The following CAPN9 variants were observed in gnomAD, a reference collection of about 807,000 sequenced individuals.
CAPN9 encodes the protein calpain 9, also known as calpain-9.
Under a neutral mutation model 92.8 loss-of-function variants are expected in CAPN9, and 81 were observed. That is an observed-to-expected ratio of 0.87 (90% CI 0.73 to 1.05). CAPN9 has a LOEUF of 1.05. Among genes scored for constraint, CAPN9 ranks in the 50% least tolerant of loss-of-function variants. The pLI is 0.00. For missense variants in CAPN9, 848 were observed against 866.2 expected (o/e 0.98, Z 0.26); for synonymous variants, 304 against 328.0 (o/e 0.93, Z 0.79).
intron 1 of CAPN9, chr1:230,752,568 C>T: frequency 8.3e-6 from 4 of 484,006 alleles, no homozygotes; most frequent in Non-Finnish European, 1.1e-5. Context: ...GTACGGTTGG[C>T]GGGGCCAGGC....
chr1:230,794,659 G>T (rs1241659578), intron 17 of CAPN9, among the ~76,000 whole-genome samples: 1 of 152,188 alleles, frequency 6.6e-6, no homozygotes, highest in African/African-American at 2.4e-5. Flanking sequence ...CATCGTGGAT[G>T]TGTAGGAATG....
At position 230,791,725 on chromosome 1, in the gene CAPN9, C is replaced by T. The variant is rs535824569; in HGVS notation, c.1658-139C>T. 62 of 590,916 alleles carry T rather than the reference C, an allele frequency of 1.0e-4. 2 individuals are homozygous for T. The South Asian group carries it at 1.5e-3, about 15-fold the overall frequency. 36.6% of individuals were successfully genotyped at this position (590,916 alleles called of 1,614,324 possible). On this transcript the variant is annotated intron_variant, in intron 14 of 19. Transcript: ENST00000271971. ...TGAAAGGTCATGTTAACTTCTACTCCTACCAGCATCATAAGAGAGTAGCCA... is the reference window on the plus strand; with the variant it reads ...TGAAAGGTCATGTTAACTTCTACTCTTACCAGCATCATAAGAGAGTAGCCA...
At chr1:230,769,317 AT>A in intron 6 of CAPN9, 54 bp downstream of exon 6, 1 of 1,264,494 alleles carries the variant, frequency 7.9e-7, no homozygotes. Context: ...GACAATGCTA[AT>A]CCCTTAGGCA....
At position 230,759,509 on chromosome 1, in the gene CAPN9, C is replaced by T; in HGVS notation, c.284-3C>T. On this transcript the variant is annotated splice_region_variant and splice_polypyrimidine_tract_variant and intron_variant, in intron 2 of 19. Transcript: ENST00000271971. ...ATTGTGATTTATGGCTTCCATTTTG[C>T]AGGAGACTGCTGGCTATTAGCCGCC... 1.9e-6 allele frequency: 3 copies of T among 1,591,268 alleles called. No homozygotes were observed. The highest frequency in any genetic ancestry group is 2.6e-6 in the Non-Finnish European group (3 of 1,169,440).
intron 14 of CAPN9, among the ~76,000 whole-genome samples, chr1:230,791,254 T>G (rs1667960647): frequency 6.6e-6 from 1 of 152,228 alleles, no homozygotes; most frequent in Non-Finnish European, 1.5e-5. Flanking sequence ...ATGAGGATGG[T>G]TCCATCACAA....
intron 1 of CAPN9, among the ~76,000 whole-genome samples, chr1:230,751,678 AGAAAGAAG>A (rs1664847737): frequency 1.4e-5 from 2 of 142,368 alleles, no homozygotes; most frequent in Non-Finnish European, 3.1e-5. Flanking sequence ...AAAGAAAGAA[AGAAAGAAG>A]GGTGGCTTTT....
In CAPN9 at chr1:230,790,135, A is replaced by G; in HGVS notation, c.1603A>G (p.Met535Val). 3 of 1,612,650 alleles carry G rather than the reference A, an allele frequency of 1.9e-6. No individual in the cohort carries two copies. The highest frequency in any genetic ancestry group is 1.3e-5 in the African/African-American group (1 of 75,008). The change falls in exon 14 of 20, where the codon ATG (methionine) becomes GTG (valine). Residue 535 changes from methionine to valine, a missense_variant. Transcript: ENST00000271971. ...ACAATTGTCTCCACTTCAACAGGAC[A>G]TGGAGGTGACAGCAGAGGAACTTGA... ...ALFEQVAGEDMEVTAEELEYV... is the reference protein window; with the variant it reads ...ALFEQVAGEDVEVTAEELEYV...
At chr1:230,751,105 C>T (rs556428902) in intron 1 of CAPN9, among the ~76,000 whole-genome samples, 1 of 152,316 alleles carries the variant, frequency 6.6e-6, no homozygotes, top group East Asian at 1.9e-4. Flanking sequence ...GGACACCTCC[C>T]CGAAAGTGCC....
chr1:230,747,518 C>T lies in CAPN9; in HGVS notation c.22C>T (p.Pro8Ser), dbSNP rs1664494556. The change falls in exon 1 of 20, where the codon CCA becomes TCA. Residue 8 changes from proline to serine, a missense_variant. Physicochemically the swap from Pro to Ser is moderately conservative, Grantham distance 74. Transcript: ENST00000271971. ...AGCCATGCCTTACCTCTACCGGGCC[C>T]CAGGGCCTCAGGCACACCCGGTTCC... MPYLYRA[P>S]GPQAHPVPKD... 6.2e-7 allele frequency: 1 copy of T among 1,614,156 alleles called. No individual in the cohort carries two copies.
chr1:230,790,278 G>T (rs773225077), intron 14 of CAPN9, 89 bp downstream of exon 14: 58 of 1,531,200 alleles, frequency 3.8e-5, no homozygotes, highest in Middle Eastern at 1.8e-4. Context: ...CCTCCGAGCC[G>T]CAGATCTGCT....
chr1:230,781,606 G>T (rs192205277), intron 11 of CAPN9, among the ~76,000 whole-genome samples: 218 of 152,256 alleles, frequency 1.4e-3, no homozygotes, highest in Non-Finnish European at 2.2e-3. Context: ...GTGGCACAGG[G>T]GGAAAAATGG....
intron 19 of CAPN9, among the ~76,000 whole-genome samples, chr1:230,799,759 A>G (rs1668562307): frequency 6.6e-6 from 1 of 152,220 alleles, no homozygotes; most frequent in South Asian, 2.1e-4. Context: ...GAAGCTGGGC[A>G]TGGTGGTGTG....
intron 8 of CAPN9, 108 bp downstream of exon 8, chr1:230,774,739 CTTTTTTTTTTTT>C (rs747512464): frequency 4.1e-5 from 16 of 386,394 alleles, no homozygotes; most frequent in Non-Finnish European, 7.3e-5. Flanking sequence ...TTCTTTCTTT[CTTTTTTTTTTTT>C]TTTTTTTGAG....
intron 11 of CAPN9, among the ~76,000 whole-genome samples, chr1:230,783,036 TG>T (rs1178235434): frequency 6.6e-6 from 1 of 152,136 alleles, no homozygotes; most frequent in Non-Finnish European, 1.5e-5. Flanking sequence ...GTGGTTTTTT[TG>T]GTTCTGATTC....
At chr1:230,775,847 G>A (rs1666722129) in intron 8 of CAPN9, among the ~76,000 whole-genome samples, 1 of 151,484 alleles carries the variant, frequency 6.6e-6, no homozygotes, top group South Asian at 2.1e-4. Context: ...AACCCAGGAG[G>A]TGGAGCTTGC....
At chr1:230,766,093 A>G (rs1201226202) in intron 4 of CAPN9, among the ~76,000 whole-genome samples, 1 of 129,602 alleles carries the variant, frequency 7.7e-6, no homozygotes, top group Non-Finnish European at 1.7e-5. Flanking sequence ...TCTTTTTTTT[A>G]TTATTATTTA....
intron 11 of CAPN9, among the ~76,000 whole-genome samples, chr1:230,781,026 T>C (rs11122599): frequency 0.22 from 33,596 of 151,742 alleles, 4,036 homozygotes; most frequent in African/African-American, 0.32. Context: ...CCACCACACC[T>C]GGCTAATTTT....
intron 3 of CAPN9, among the ~76,000 whole-genome samples, chr1:230,761,555 A>AACAC (rs147168033): frequency 8.3e-4 from 125 of 150,622 alleles, no homozygotes; most frequent in African/African-American, 3.0e-3. Context: ...TCTTCCTTAA[A>AACAC]ACACACACAC....
intron 13 of CAPN9, 92 bp downstream of exon 13, chr1:230,787,694 C>T (rs1449123685): frequency 2.2e-5 from 24 of 1,073,544 alleles, no homozygotes; most frequent in South Asian, 1.4e-4. Flanking sequence ...TGGTCAGCAA[C>T]GTCATCCTGA....
Sources: allele counts gnomAD v4.1 joint callset (sites outside exome capture counted in the v4.1 genomes callset), GRCh38; gene constraint gnomAD v4.1.1; transcripts MANE v1.5; gene names NCBI Gene and HGNC (gene_info 2026-07-23, HGNC 2026-07-21).